Variants in ITGA2B observed in about 807,000 individuals in gnomAD.
The protein encoded by ITGA2B is integrin alpha-IIb.
In ITGA2B, 91 loss-of-function variants were observed where a neutral mutation model predicts 142.0. The observed-to-expected ratio is 0.64, with a 90% CI of 0.54 to 0.76. The LOEUF (loss-of-function observed/expected upper bound fraction) is 0.76. Ranked by LOEUF, ITGA2B falls within the 30% of genes least tolerant of loss-of-function variation. ITGA2B has a pLI of 0.00. For missense variants in ITGA2B, 1,231 were observed against 1,350.8 expected (o/e 0.91, Z 1.39); for synonymous variants, 536 against 567.2 (o/e 0.94, Z 0.78).
chr17:44,379,655 T>A (rs1567901408), intron 18 of ITGA2B, 34 bp downstream of exon 18: 10 of 1,613,764 alleles, frequency 6.2e-6, no homozygotes, highest in Middle Eastern at 1.6e-4. Flanking sequence ...TCAGGGGTCC[T>A]GCACCTCCCT....
Position 44,380,627 on chromosome 17 carries a change from T to G in ITGA2B, c.1412A>C (p.Tyr471Ser). The change falls in exon 14 of 30, where the codon TAC becomes TCC. Residue 471 changes from tyrosine to serine, a missense_variant. Tyr to Ser is a moderately radical substitution (Grantham distance 144). This residue lies in a region of ITGA2B where 908 missense variants were observed against 1,021.1 expected (regional missense o/e 0.89). Transcript: ENST00000262407. ...NGYPDLIVGA[Y>S]GANQVAVYRA... Reference sequence around the variant, plus strand: ...GTACACAGCCACCTGGTTGGCCCCGTAAGCTCCCACGATCAGGTCTATAGA... The same window carrying G: ...GTACACAGCCACCTGGTTGGCCCCGGAAGCTCCCACGATCAGGTCTATAGA... The G allele has an allele frequency of 6.2e-7, 1 of 1,614,150 alleles. No individual in the cohort carries two copies. Among genetic ancestry groups the G allele is most frequent in the South Asian group, 1.1e-5 (1 of 91,082 alleles).
At chr17:44,375,134 C>T (rs1292726698) in intron 26 of ITGA2B, 23 bp from the exon 27 acceptor site, 2 of 1,534,600 alleles carry the variant, frequency 1.3e-6, no homozygotes, top group Non-Finnish European at 1.8e-6. Flanking sequence ...ATCGTCAGTC[C>T]CCAGCCCGTC....
chr17:44,381,951 C>T (rs1479243533), intron 12 of ITGA2B, among the ~76,000 whole-genome samples: 1 of 152,110 alleles, frequency 6.6e-6, no homozygotes, highest in Admixed American at 6.6e-5. Flanking sequence ...TTCTAGCCTT[C>T]TCCATTCCAT....
Position 44,374,378 on chromosome 17 carries a change from G to C in ITGA2B, c.3036C>G (p.Thr1012=). The stretch of plus-strand genomic sequence containing the variant: ...CCTTCCACATGGCCAGGACCAGGAT[G>C]GTGAGCAGCAGCAGGCCACCCAGCA... ...VGVLGGLLLL[T]ILVLAMWKVG... The change falls in exon 29 of 30, where the codon ACC becomes ACG. Residue 1012 remains threonine, a synonymous_variant. Coordinates refer to ENST00000262407, the MANE Select transcript of ITGA2B (RefSeq NM_000419.5). The C allele has an allele frequency of 6.2e-7, 1 of 1,614,112 alleles. No individual in the cohort carries two copies. Among genetic ancestry groups the C allele is most frequent in the Non-Finnish European group, 8.5e-7 (1 of 1,179,988 alleles).
chr17:44,384,895 CTGCGGT>C, intron 7 of ITGA2B, 47 bp downstream of exon 7: 1 of 1,612,606 alleles, frequency 6.2e-7, no homozygotes, highest in Non-Finnish European at 8.5e-7. Flanking sequence ...ACCTGACCGT[CTGCGGT>C]GGGCGGTGAC....
At chr17:44,374,568 C>T (rs556140336) in intron 28 of ITGA2B, 91 bp downstream of exon 28, 8 of 1,510,334 alleles carry the variant, frequency 5.3e-6, no homozygotes, top group Non-Finnish European at 7.4e-6. Context: ...GCCACCCACC[C>T]GTACCACCCC....
intron 12 of ITGA2B, 63 bp downstream of exon 12, chr17:44,383,430 C>T (rs2048612927): frequency 1.3e-6 from 2 of 1,505,320 alleles, no homozygotes; most frequent in Admixed American, 1.9e-5. Flanking sequence ...CTCAGGCCAA[C>T]TCCATGCTTT....
chr17:44,389,370 T>C lies in ITGA2B; in HGVS notation c.104A>G (p.Asp35Gly), dbSNP rs549088938. The change falls in exon 1 of 30, where the codon GAC becomes GGC. Residue 35 changes from aspartate (D) to glycine (G), a missense_variant. This residue lies in a region of ITGA2B where 318 missense variants were observed against 312.2 expected (regional missense o/e 1.02). Transcript: ENST00000262407. ...TGCATAGAAGGTGAGCTGCACTGGG[T>C]CCAGGTTCAAGGCCCAGGCTGGAGG... ...AAPPAWALNL[D>G]PVQLTFYAGP... 2.5e-6 allele frequency: 4 copies of C among 1,614,080 alleles called. No individual in the cohort carries two copies. The South Asian group carries it at 3.3e-5, about 13-fold the overall frequency.
At chr17:44,386,591 C>T (rs1267413716) in intron 1 of ITGA2B, among the ~76,000 whole-genome samples, 1 of 152,058 alleles carries the variant, frequency 6.6e-6, no homozygotes, top group African/African-American at 2.4e-5. Flanking sequence ...AGTGTGTGTG[C>T]TGATAGGAGG....
At chr17:44,384,469 G>A (rs2048625895) in intron 8 of ITGA2B, 69 bp downstream of exon 8, 2 of 1,609,438 alleles carry the variant, frequency 1.2e-6, no homozygotes, top group Non-Finnish European at 8.5e-7. Flanking sequence ...CCCTACATAG[G>A]GGAGATTTCA....
rs965694079 is a variant in ITGA2B, at chr17:44,376,156, C to T, written c.2377G>A (p.Ala793Thr). Reference protein sequence around the residue: ...GNSFPASLVVAAEEGEREQNS... With the variant: ...GNSFPASLVVTAEEGEREQNS... ...TGCTCCCTCTCACCTTCTTCTGCTGCCACCACCAGGGAGGCTGGAAAGGAG... is the reference window on the plus strand; with the variant it reads ...TGCTCCCTCTCACCTTCTTCTGCTGTCACCACCAGGGAGGCTGGAAAGGAG... Residue 793 changes from alanine to threonine, a missense_variant, in exon 24 of 30, where the codon GCA (alanine) becomes ACA (threonine). By Grantham distance (58) the Ala-to-Thr change is moderately conservative. This residue lies in a region of ITGA2B where 908 missense variants were observed against 1,021.1 expected (regional missense o/e 0.89). Transcript: ENST00000262407. The T allele has an allele frequency of 2.2e-5, 36 of 1,614,084 alleles. No homozygotes were observed. Among genetic ancestry groups the T allele is most frequent in the Non-Finnish European group, 2.9e-5 (34 of 1,180,038 alleles).
intron 9 of ITGA2B, 62 bp downstream of exon 9, chr17:44,384,249 G>A: frequency 3.7e-6 from 6 of 1,603,772 alleles, no homozygotes; most frequent in Non-Finnish European, 5.1e-6. Flanking sequence ...GGGCGCTCAG[G>A]AGTTGTCAGC....
At position 44,382,953 on chromosome 17, in the gene ITGA2B, C is replaced by T. The variant is rs114077635; in HGVS notation, c.1210+540G>A. ...TCTTATTTCACAGGTCCCGGGACCT[C>T]ATCCACTTTCCCCAAACCCCTGTCT... On this transcript the variant is annotated intron_variant, in intron 12 of 29. Coordinates refer to ENST00000262407, the MANE Select transcript of ITGA2B (RefSeq NM_000419.5). Among the ~76,000 whole-genome samples the T allele has an allele frequency of 3.0e-3, 454 of 152,222 alleles. 5 individuals carry two copies. The highest frequency in any genetic ancestry group is 0.01 in the African/African-American group (435 of 41,530).
At position 44,378,630 on chromosome 17, in the gene ITGA2B, G is replaced by T. The variant is rs1250246440; in HGVS notation, c.1946+13C>A. The stretch of plus-strand genomic sequence containing the variant: ...AAAGGGCCAGGGTCGGGCAGAATGG[G>T]AGGCCTCCTCACACGCTGGCAGTGA... On this transcript the variant is annotated intron_variant, in intron 19 of 29. Transcript: ENST00000262407. The T allele has an allele frequency of 1.9e-6, 3 of 1,570,948 alleles. No homozygotes were observed. The highest frequency in any genetic ancestry group is 2.6e-6 in the Non-Finnish European group (3 of 1,157,716).
chr17:44,378,305 G>T, intron 20 of ITGA2B, 57 bp downstream of exon 20: 1 of 1,572,272 alleles, frequency 6.4e-7, no homozygotes, highest in Non-Finnish European at 8.6e-7. Context: ...AGATGAGAGA[G>T]CCAAGGCTCC....
At chr17:44,386,971 T>A (rs2048654736) in intron 1 of ITGA2B, among the ~76,000 whole-genome samples, 1 of 151,786 alleles carries the variant, frequency 6.6e-6, no homozygotes, top group African/African-American at 2.4e-5. Flanking sequence ...AAAAAAAATT[T>A]TTTTATAGGC....
intron 13 of ITGA2B, 82 bp downstream of exon 13, chr17:44,380,797 C>A (rs752117056): frequency 6.3e-7 from 1 of 1,578,638 alleles, no homozygotes; most frequent in Non-Finnish European, 8.7e-7. Flanking sequence ...AGGCATGAGC[C>A]CCTGGCCGTG....
rs377288289 is a variant in ITGA2B, at chr17:44,385,808, G to A, written c.408+16C>T. On this transcript the variant is annotated intron_variant, in intron 3 of 29. Transcript: ENST00000262407. ...TGCCCCCGATTGTTCCCTGTGCCCT[G>A]TACCGCGGGGCCCACCACAATGACG... The A allele has an allele frequency of 1.4e-4, 223 of 1,605,382 alleles. 1 individual carries two copies. The highest frequency in any genetic ancestry group is 1.7e-4 in the Admixed American group (10 of 58,328).
At chr17:44,387,539 A>G (rs950890813) in intron 1 of ITGA2B, among the ~76,000 whole-genome samples, 2 of 144,374 alleles carry the variant, frequency 1.4e-5, no homozygotes, top group African/African-American at 2.6e-5. Context: ...AAAAGAAGAA[A>G]AAAAGTCTGG....
Sources: allele counts gnomAD v4.1 joint callset (sites outside exome capture counted in the v4.1 genomes callset), GRCh38; gene constraint gnomAD v4.1.1; regional missense constraint gnomAD v4.1.1; transcripts MANE v1.5; gene names NCBI Gene and HGNC (gene_info 2026-07-23, HGNC 2026-07-21).